The following RASAL2 variants were observed in gnomAD, a reference collection of about 807,000 sequenced individuals.
RASAL2 encodes RAS protein activator like 2.
RASAL2 carries 58 observed loss-of-function variants against 128.9 expected under a neutral mutation model. The observed-to-expected ratio is 0.45, with a 90% CI of 0.36 to 0.56. RASAL2 has a LOEUF of 0.56. Ranked by LOEUF, RASAL2 falls within the 20% of genes least tolerant of loss-of-function variation. The pLI is 0.00. For synonymous variants in RASAL2, 561 were observed against 580.8 expected (o/e 0.97, Z 0.49); for missense variants, 1,360 against 1,601.6 (o/e 0.85, Z 2.57).
chr1:178,470,982 G>C (rs115981448), intron 17 of RASAL2, among the ~76,000 whole-genome samples: 1,570 of 152,198 alleles, frequency 0.01, 9 homozygotes, highest in Non-Finnish European at 0.017. Flanking sequence ...GGCAATAGGG[G>C]GAAATACAAA....
At chr1:178,220,065 A>T (rs1663565065) in intron 1 of RASAL2, among the ~76,000 whole-genome samples, 1 of 152,086 alleles carries the variant, frequency 6.6e-6, no homozygotes, top group Admixed American at 6.6e-5. Context: ...CTCTCTCACC[A>T]TGTGATATGC....
At chr1:178,375,877 C>G (rs1187574621) in intron 3 of RASAL2, among the ~76,000 whole-genome samples, 1 of 151,944 alleles carries the variant, frequency 6.6e-6, no homozygotes, top group African/African-American at 2.4e-5. Flanking sequence ...CACATCCAGA[C>G]AGAAAAAACA....
chr1:178,433,900 A>C (rs1676087687), intron 5 of RASAL2, among the ~76,000 whole-genome samples: 1 of 151,948 alleles, frequency 6.6e-6, no homozygotes, highest in Non-Finnish European at 1.5e-5. Context: ...CTGGGCAACA[A>C]GAGAGAAACT....
intron 3 of RASAL2, among the ~76,000 whole-genome samples, chr1:178,335,970 A>C (rs1010386704): frequency 4.6e-5 from 7 of 151,714 alleles, no homozygotes; most frequent in Non-Finnish European, 7.4e-5. Flanking sequence ...GGAGTAGTTT[A>C]GTATACCATA....
At chr1:178,456,149 A>G (rs1167733013) in intron 12 of RASAL2, among the ~76,000 whole-genome samples, 2 of 152,220 alleles carry the variant, frequency 1.3e-5, no homozygotes, top group Admixed American at 1.3e-4. Context: ...GCAGTGGGTC[A>G]GGGTTCCCAA....
At chr1:178,123,504 C>T (rs192351027) in intron 1 of RASAL2, among the ~76,000 whole-genome samples, 5 of 152,280 alleles carry the variant, frequency 3.3e-5, no homozygotes, top group Admixed American at 6.5e-5. Context: ...ACTACATTTA[C>T]AGTTCCTGTT....
chr1:178,360,890 C>G (rs969793286), intron 3 of RASAL2, among the ~76,000 whole-genome samples: 6 of 152,084 alleles, frequency 3.9e-5, no homozygotes, highest in Non-Finnish European at 7.4e-5. Context: ...TGGTTTTTAT[C>G]TGAAATAAGG....
chr1:178,266,694 G>C (rs1665968380), intron 1 of RASAL2, among the ~76,000 whole-genome samples: 1 of 152,336 alleles, frequency 6.6e-6, no homozygotes, highest in Middle Eastern at 3.4e-3. Flanking sequence ...AAGTGCGGCA[G>C]AAACCAGCCA....
chr1:178,412,504 G>A (rs1674457572), intron 4 of RASAL2, among the ~76,000 whole-genome samples: 2 of 152,068 alleles, frequency 1.3e-5, no homozygotes, highest in African/African-American at 2.4e-5. Flanking sequence ...CATCAAGGAG[G>A]TGACCACAAA....
At position 178,445,536 on chromosome 1, in the gene RASAL2, G is replaced by A. The variant is rs774374937; in HGVS notation, c.1501G>A (p.Val501Met). The A allele has an allele frequency of 1.9e-6, 3 of 1,613,360 alleles. No individual in the cohort carries two copies. Among genetic ancestry groups the A allele is most frequent in the Non-Finnish European group, 2.5e-6 (3 of 1,179,626 alleles). Residue 501 changes from valine (V) to methionine (M), a missense_variant, in exon 9 of 18, where the codon GTG (valine) becomes ATG (methionine). This residue lies in a region of RASAL2 where 617 missense variants were observed against 714.2 expected (regional missense o/e 0.86). Coordinates refer to ENST00000367649, the MANE Select transcript of RASAL2 (RefSeq NM_170692.4). Reference protein sequence around the residue: ...GRAKDFLTDLVMSEVDRCGEH... With the variant: ...GRAKDFLTDLMMSEVDRCGEH... Reference sequence around the variant, plus strand: ...CTACCAGGATTTTCTGACTGACTTGGTGATGTCTGAGGTGGATCGTTGTGG... The same window carrying A: ...CTACCAGGATTTTCTGACTGACTTGATGATGTCTGAGGTGGATCGTTGTGG...
intron 3 of RASAL2, among the ~76,000 whole-genome samples, chr1:178,327,148 A>G (rs547882829): frequency 5.3e-5 from 8 of 152,144 alleles, no homozygotes; most frequent in Non-Finnish European, 1.2e-4. Flanking sequence ...GTATGTGTGT[A>G]TATACAAATT....
At chr1:178,138,475 GACAGC>G (rs1660409010) in intron 1 of RASAL2, among the ~76,000 whole-genome samples, 1 of 152,076 alleles carries the variant, frequency 6.6e-6, no homozygotes, top group Non-Finnish European at 1.5e-5. Flanking sequence ...AGGCATCATA[GACAGC>G]ACTGTGTTGG....
At chr1:178,151,002 G>A (rs1660895991) in intron 1 of RASAL2, among the ~76,000 whole-genome samples, 1 of 152,044 alleles carries the variant, frequency 6.6e-6, no homozygotes, top group African/African-American at 2.4e-5. Flanking sequence ...GTTTGTAAGT[G>A]CAAGAAGGCT....
chr1:178,408,609 T>TTTTG (rs1464021177), intron 4 of RASAL2, among the ~76,000 whole-genome samples: 1 of 149,162 alleles, frequency 6.7e-6, no homozygotes, highest in African/African-American at 2.6e-5. Context: ...TTGGTTTTTT[T>TTTTG]TTGTTTTTTG....
At chr1:178,242,620 AGGTTT>A (rs1664567324) in intron 1 of RASAL2, among the ~76,000 whole-genome samples, 1 of 152,000 alleles carries the variant, frequency 6.6e-6, no homozygotes, top group African/African-American at 2.4e-5. Flanking sequence ...TTGAATCTGT[AGGTTT>A]ACGTCTTTTG....
At chr1:178,130,701 T>G (rs529358431) in intron 1 of RASAL2, among the ~76,000 whole-genome samples, 2 of 152,212 alleles carry the variant, frequency 1.3e-5, no homozygotes, top group African/African-American at 4.8e-5. Context: ...TTTCTTCACC[T>G]TGTTTGGCAG....
chr1:178,186,933 C>T (rs1331830068), intron 1 of RASAL2, among the ~76,000 whole-genome samples: 1 of 151,924 alleles, frequency 6.6e-6, no homozygotes, highest in Non-Finnish European at 1.5e-5. Context: ...TAGTGATCCT[C>T]CCGCCTCAAC....
At chr1:178,328,680 C>T (rs1480631883) in intron 3 of RASAL2, among the ~76,000 whole-genome samples, 1 of 152,122 alleles carries the variant, frequency 6.6e-6, no homozygotes, top group African/African-American at 2.4e-5. Flanking sequence ...CTCATTTATT[C>T]CTGGCAGTAG....
chr1:178,197,031 A>G (rs1662679826), intron 1 of RASAL2, among the ~76,000 whole-genome samples: 1 of 152,192 alleles, frequency 6.6e-6, no homozygotes, highest in Non-Finnish European at 1.5e-5. Flanking sequence ...TAAACATGCT[A>G]AGCCAGGCAC....
Sources: allele counts gnomAD v4.1 joint callset (sites outside exome capture counted in the v4.1 genomes callset), GRCh38; gene constraint gnomAD v4.1.1; regional missense constraint gnomAD v4.1.1; transcripts MANE v1.5; gene names NCBI Gene and HGNC (gene_info 2026-07-23, HGNC 2026-07-21).